Variants in ADGRB3 observed in about 807,000 individuals in gnomAD.
The protein encoded by ADGRB3 is brain-specific angiogenesis inhibitor 3.
A neutral mutation model predicts 193.4 loss-of-function variants in ADGRB3; 37 were observed. That is an observed-to-expected ratio of 0.19 (90% CI 0.15 to 0.25). The LOEUF is 0.25. ADGRB3 is among the 10% of genes least tolerant of loss of function. The pLI is 1.00. For missense variants in ADGRB3, 1,637 were observed against 1,852.9 expected (o/e 0.88, Z 2.14); for synonymous variants, 690 against 644.2 (o/e 1.07, Z -1.08).
At chr6:69,238,259 C>A (rs1766311779) in intron 19 of ADGRB3, among the ~76,000 whole-genome samples, 1 of 152,030 alleles carries the variant, frequency 6.6e-6, no homozygotes, top group Non-Finnish European at 1.5e-5. Context: ...AAACACACAG[C>A]AAATACAACA....
intron 26 of ADGRB3, among the ~76,000 whole-genome samples, chr6:69,347,354 A>T (rs1180624094): frequency 6.6e-6 from 1 of 152,196 alleles, no homozygotes; most frequent in African/African-American, 2.4e-5. Flanking sequence ...CTTAAATTAT[A>T]ATAATAATAA....
chr6:68,757,036 T>G (rs1766310773), intron 3 of ADGRB3, among the ~76,000 whole-genome samples: 1 of 152,196 alleles, frequency 6.6e-6, no homozygotes, highest in African/African-American at 2.4e-5. Context: ...TCCACACTTC[T>G]GCTTTCCCTT....
At chr6:69,279,748 A>G (rs1582600851) in intron 20 of ADGRB3, among the ~76,000 whole-genome samples, 1 of 152,172 alleles carries the variant, frequency 6.6e-6, no homozygotes, top group South Asian at 2.1e-4. Context: ...CCCGTTAATG[A>G]GAGATGCTAG....
At chr6:68,889,349 G>C (rs149811879) in intron 3 of ADGRB3, among the ~76,000 whole-genome samples, 2 of 152,202 alleles carry the variant, frequency 1.3e-5, no homozygotes, top group Non-Finnish European at 2.9e-5. Flanking sequence ...GTCCACATTT[G>C]GTTCCTGAAT....
At chr6:69,102,977 A>G (rs971053083) in intron 17 of ADGRB3, among the ~76,000 whole-genome samples, 1 of 152,208 alleles carries the variant, frequency 6.6e-6, no homozygotes, top group Admixed American at 6.5e-5. Flanking sequence ...TGCTCCGTTC[A>G]TGCTGAGTAT....
chr6:68,665,129 C>T (rs1371296445), intron 3 of ADGRB3, among the ~76,000 whole-genome samples: 1 of 151,506 alleles, frequency 6.6e-6, no homozygotes, highest in Non-Finnish European at 1.5e-5. Context: ...GAGTGAAGGA[C>T]CACTCTTTAT....
chr6:68,693,117 T>C (rs931958526), intron 3 of ADGRB3, among the ~76,000 whole-genome samples: 1 of 151,870 alleles, frequency 6.6e-6, no homozygotes, highest in Non-Finnish European at 1.5e-5. Flanking sequence ...TGTGGAAAAC[T>C]GGGAAAGGTC....
chr6:68,795,942 C>A (rs1767198855), intron 3 of ADGRB3, among the ~76,000 whole-genome samples: 1 of 152,008 alleles, frequency 6.6e-6, no homozygotes, highest in Admixed American at 6.6e-5. Context: ...TATATAAATT[C>A]ATGGAATCTT....
chr6:68,712,260 C>T (rs994049448), intron 3 of ADGRB3, among the ~76,000 whole-genome samples: 7 of 151,752 alleles, frequency 4.6e-5, no homozygotes, highest in Non-Finnish European at 1.0e-4. Context: ...AAAGAGGCGG[C>T]AATTTTTGGT....
rs376468073 is a variant in ADGRB3 at position 68,955,231 on chromosome 6, G to A, written c.1196-793G>A. Among the ~76,000 whole-genome samples, 25 of 152,140 alleles carry A rather than the reference G, an allele frequency of 1.6e-4. No individual in the cohort carries two copies. The East Asian group carries it at 3.9e-3, about 24-fold the overall frequency. On this transcript the variant is annotated intron_variant, in intron 6 of 31. Coordinates refer to ENST00000370598, the MANE Select transcript of ADGRB3 (RefSeq NM_001704.3). ...TCCTTCAAGGCTTGCCTGAAGCCTC[G>A]GTTTGTCAAGAAAGACTCTCTGGAC...
rs117038276 is a variant in ADGRB3 at position 68,718,765 on chromosome 6, T to G, written c.757+79333T>G. On this transcript the variant is annotated intron_variant, in intron 3 of 31. Transcript: ENST00000370598. Reference sequence around the variant, plus strand: ...GGAGTTATTTTACCTACTGTGTAAGTGCTAATCTATCAGCTAGAGCAAGAG... The same window carrying G: ...GGAGTTATTTTACCTACTGTGTAAGGGCTAATCTATCAGCTAGAGCAAGAG... Among the ~76,000 whole-genome samples, 381 of 151,886 alleles carry G rather than the reference T, an allele frequency of 2.5e-3. 1 individual carries two copies. The Middle Eastern group carries it at 0.044, about 18-fold the overall frequency.
At chr6:69,176,869 C>G (rs1426185221) in intron 17 of ADGRB3, among the ~76,000 whole-genome samples, 1 of 152,150 alleles carries the variant, frequency 6.6e-6, no homozygotes, top group Non-Finnish European at 1.5e-5. Flanking sequence ...ACATTGTATG[C>G]TTCTAGGAAT....
chr6:68,751,010 T>G (rs886560717), intron 3 of ADGRB3, among the ~76,000 whole-genome samples: 1 of 152,274 alleles, frequency 6.6e-6, no homozygotes, highest in African/African-American at 2.4e-5. Context: ...TCGTCTTCTA[T>G]CCCTTGAGTG....
At chr6:69,039,731 A>C (rs1388821693) in intron 13 of ADGRB3, among the ~76,000 whole-genome samples, 1 of 147,634 alleles carries the variant, frequency 6.8e-6, no homozygotes, top group East Asian at 2.0e-4. Flanking sequence ...AGATTACATA[A>C]TTGTTTTTTT....
At chr6:68,877,456 T>C (rs1765625358) in intron 3 of ADGRB3, among the ~76,000 whole-genome samples, 1 of 152,102 alleles carries the variant, frequency 6.6e-6, no homozygotes, top group African/African-American at 2.4e-5. Flanking sequence ...CATTAAGAAG[T>C]ATTTTCATAT....
At chr6:68,879,932 C>G (rs1003078406) in intron 3 of ADGRB3, among the ~76,000 whole-genome samples, 1 of 152,196 alleles carries the variant, frequency 6.6e-6, no homozygotes, top group African/African-American at 2.4e-5. Flanking sequence ...GGCTTTCACT[C>G]TTTCCACTAG....
At chr6:68,990,364 C>T (rs1334604880) in intron 10 of ADGRB3, among the ~76,000 whole-genome samples, 1 of 152,036 alleles carries the variant, frequency 6.6e-6, no homozygotes. Context: ...ATAGTCTCAC[C>T]AGTGTGTAAA....
chr6:68,919,327 TA>T (rs149794552), intron 3 of ADGRB3, among the ~76,000 whole-genome samples: 6,083 of 152,284 alleles, frequency 0.04, 264 homozygotes, highest in African/African-American at 0.11. Context: ...GTGTGTTTGT[TA>T]AAAAGAAATG....
intron 17 of ADGRB3, among the ~76,000 whole-genome samples, chr6:69,116,887 C>T (rs917678635): frequency 5.9e-5 from 9 of 152,172 alleles, no homozygotes; most frequent in South Asian, 4.1e-4. Flanking sequence ...TGCCTGCCAA[C>T]GGGGACTCAG....
Sources: gnomAD v4.1 joint callset for allele counts (sites outside exome capture counted in the v4.1 genomes callset) on GRCh38, gnomAD v4.1.1 for gene constraint, MANE v1.5 for transcripts, NCBI Gene and HGNC (gene_info 2026-07-23, HGNC 2026-07-21) for gene names.